The following CAMK4 variants were observed in gnomAD, a reference collection of about 807,000 sequenced individuals.
CAMK4 encodes calcium/calmodulin dependent protein kinase IV.
Under a neutral mutation model 44.9 loss-of-function variants are expected in CAMK4, and 22 were observed. That is an observed-to-expected ratio of 0.49 (90% CI 0.35 to 0.70). The LOEUF (loss-of-function observed/expected upper bound fraction) is 0.70, where lower values mean the gene tolerates loss of function less well. Among genes scored for constraint, CAMK4 ranks in the 30% least tolerant of loss-of-function variants. CAMK4 has a pLI of 0.01. For missense variants in CAMK4, 498 were observed against 586.8 expected (o/e 0.85, Z 1.56); for synonymous variants, 218 against 215.4 (o/e 1.01, Z -0.11).
intron 1 of CAMK4, among the ~76,000 whole-genome samples, chr5:111,259,890 G>C (rs2112559317): frequency 6.6e-6 from 1 of 152,186 alleles, no homozygotes; most frequent in Non-Finnish European, 1.5e-5. Context: ...TATGTGTTAG[G>C]AAAAATGCCA....
intron 2 of CAMK4, among the ~76,000 whole-genome samples, chr5:111,345,603 A>G (rs888255902): frequency 2.0e-5 from 3 of 151,994 alleles, no homozygotes; most frequent in African/African-American, 4.8e-5. Flanking sequence ...TTTGTTTTTC[A>G]TAGTTGAGGA....
At chr5:111,368,474 C>G (rs1041693258) in intron 2 of CAMK4, among the ~76,000 whole-genome samples, 1 of 152,140 alleles carries the variant, frequency 6.6e-6, no homozygotes, top group Non-Finnish European at 1.5e-5. Context: ...GCTATCAAGA[C>G]CCACACTTGT....
At chr5:111,443,201 T>C (rs940865150) in intron 5 of CAMK4, among the ~76,000 whole-genome samples, 2 of 142,010 alleles carry the variant, frequency 1.4e-5, no homozygotes, top group South Asian at 2.2e-4. Flanking sequence ...TAGTGACTCC[T>C]GACATTTTAT....
chr5:111,250,845 T>A (rs1749456580), intron 1 of CAMK4, among the ~76,000 whole-genome samples: 1 of 152,180 alleles, frequency 6.6e-6, no homozygotes, highest in Admixed American at 6.5e-5. Flanking sequence ...AATCTCCCTG[T>A]GTTGCCAGGG....
chr5:111,430,945 A>G (rs1753419726), intron 5 of CAMK4, among the ~76,000 whole-genome samples: 1 of 152,212 alleles, frequency 6.6e-6, no homozygotes, highest in Non-Finnish European at 1.5e-5. Flanking sequence ...AAAAATAGAA[A>G]AAAACACTCC....
intron 1 of CAMK4, among the ~76,000 whole-genome samples, chr5:111,317,356 G>A (rs928943281): frequency 6.6e-6 from 1 of 152,044 alleles, no homozygotes; most frequent in Non-Finnish European, 1.5e-5. Context: ...GGAGTATATT[G>A]TTAACTTCCC....
chr5:111,295,310 A>G (rs1747437000), intron 1 of CAMK4, among the ~76,000 whole-genome samples: 1 of 152,236 alleles, frequency 6.6e-6, no homozygotes, highest in Non-Finnish European at 1.5e-5. Context: ...ATGTCCCTCC[A>G]TATCCTACAA....
intron 1 of CAMK4, among the ~76,000 whole-genome samples, chr5:111,294,052 T>G (rs1747388870): frequency 6.6e-6 from 1 of 152,118 alleles, no homozygotes; most frequent in South Asian, 2.1e-4. Context: ...CGGCCCTACT[T>G]TTTAAAAATG....
chr5:111,481,276 T>G (rs1396481989), intron 9 of CAMK4, among the ~76,000 whole-genome samples: 3 of 152,218 alleles, frequency 2.0e-5, no homozygotes, highest in African/African-American at 7.2e-5. Flanking sequence ...AAAAATGTTG[T>G]AAGGATTAGG....
chr5:111,412,153 T>A (rs188626912), intron 5 of CAMK4, among the ~76,000 whole-genome samples: 87 of 152,248 alleles, frequency 5.7e-4, no homozygotes, highest in Non-Finnish European at 9.9e-4. Context: ...TTTATTCAGA[T>A]GCAAAATGTA....
intron 1 of CAMK4, among the ~76,000 whole-genome samples, chr5:111,329,939 A>C (rs1319178044): frequency 1.3e-5 from 2 of 151,760 alleles, no homozygotes; most frequent in Admixed American, 1.3e-4. Flanking sequence ...GAATAAGGCA[A>C]GGATATCTGC....
chr5:111,445,960 G>A (rs959918364), intron 5 of CAMK4, among the ~76,000 whole-genome samples: 1 of 152,194 alleles, frequency 6.6e-6, no homozygotes, highest in African/African-American at 2.4e-5. Flanking sequence ...CTGGATCTGG[G>A]GGAAGGGAAA....
intron 5 of CAMK4, among the ~76,000 whole-genome samples, chr5:111,399,349 A>G (rs1042293102): frequency 5.9e-5 from 9 of 152,176 alleles, no homozygotes; most frequent in Non-Finnish European, 1.2e-4. Context: ...ACCTTCCCTG[A>G]CCACTCTACC....
intron 1 of CAMK4, among the ~76,000 whole-genome samples, chr5:111,278,572 C>T (rs114099890): frequency 0.01 from 1,579 of 152,176 alleles, 19 homozygotes; most frequent in Middle Eastern, 0.017. Context: ...AAAACATTTA[C>T]GGAGTAAATG....
At position 111,376,934 on chromosome 5, in the gene CAMK4, G is replaced by T; in HGVS notation, c.378G>T (p.Leu126=). The change falls in exon 4 of 11, where the codon CTG becomes CTT. Residue 126 remains leucine (L), a synonymous_variant. Coordinates refer to ENST00000282356, the MANE Select transcript of CAMK4 (RefSeq NM_001744.6). ...TAGAACTCGTCACAGGAGGAGAACT[G>T]TTTGATAGGTGAGTTGGTTCTGGAA... ...LVLELVTGGE[L]FDRIVEKGYY... is the part of the protein sequence containing the mutation. 6.3e-7 allele frequency: 1 copy of T among 1,593,048 alleles called. No individual in the cohort carries two copies. The highest frequency in any genetic ancestry group is 8.6e-7 in the Non-Finnish European group (1 of 1,166,884).
chr5:111,309,082 G>T (rs988871645), intron 1 of CAMK4, among the ~76,000 whole-genome samples: 3 of 152,180 alleles, frequency 2.0e-5, no homozygotes, highest in Non-Finnish European at 4.4e-5. Flanking sequence ...GAGTCTTTGA[G>T]TTCAAACAAA....
At chr5:111,441,064 A>G (rs1753806795) in intron 5 of CAMK4, among the ~76,000 whole-genome samples, 1 of 152,328 alleles carries the variant, frequency 6.6e-6, no homozygotes, top group Admixed American at 6.5e-5. Flanking sequence ...AAGGTCACAT[A>G]GCTAACAAAT....
At chr5:111,445,907 G>A (rs769874351) in intron 5 of CAMK4, among the ~76,000 whole-genome samples, 2 of 152,136 alleles carry the variant, frequency 1.3e-5, no homozygotes, top group Non-Finnish European at 2.9e-5. Flanking sequence ...GGGAAAAAAC[G>A]TTTCAAACTG....
At chr5:111,480,232 T>C (rs1456835807) in intron 9 of CAMK4, among the ~76,000 whole-genome samples, 1 of 101,788 alleles carries the variant, frequency 9.8e-6, no homozygotes, top group Admixed American at 9.6e-5. Context: ...TTCTTCTCCA[T>C]TACACATAGG....
Sources: allele counts gnomAD v4.1 joint callset (sites outside exome capture counted in the v4.1 genomes callset), GRCh38; gene constraint gnomAD v4.1.1; transcripts MANE v1.5; gene names NCBI Gene and HGNC (gene_info 2026-07-23, HGNC 2026-07-21).